The following ZMIZ1 variants were observed in gnomAD, a reference collection of about 807,000 sequenced individuals.
ZMIZ1 encodes the protein zinc finger MIZ-type containing 1.
Under a neutral mutation model 113.9 loss-of-function variants are expected in ZMIZ1, and 17 were observed. The ratio of observed to expected loss-of-function variants is 0.15; its 90% CI spans 0.10 to 0.22. ZMIZ1 has a LOEUF of 0.22. ZMIZ1 is among the 10% of genes least tolerant of loss of function. ZMIZ1 has a pLI of 1.00. For missense variants in ZMIZ1, 1,059 were observed against 1,477.8 expected (o/e 0.72, Z 4.65); for synonymous variants, 607 against 603.1 (o/e 1.01, Z -0.09).
chr10:79,131,619 G>T (rs1441913885), intron 2 of ZMIZ1, among the ~76,000 whole-genome samples: 3 of 152,144 alleles, frequency 2.0e-5, no homozygotes, highest in African/African-American at 7.2e-5. Flanking sequence ...CTTTGGAGAG[G>T]CACTTAGAGC....
In ZMIZ1 at chr10:79,312,817, A is replaced by C; in HGVS notation, c.*68A>C. 1 of 1,499,334 alleles carries C rather than the reference A, an allele frequency of 6.7e-7. No individual in the cohort carries two copies. The highest frequency in any genetic ancestry group is 9.3e-7 in the Non-Finnish European group (1 of 1,080,944). 92.9% of individuals were successfully genotyped at this position (1,499,334 alleles called of 1,614,324 possible). A position where few individuals can be genotyped will look rare whatever the true frequency, so the allele number is the denominator to read the frequency against. On this transcript the variant is annotated 3_prime_UTR_variant, in exon 25 of 25. Transcript: ENST00000334512. ...CCCCACCTACCCAACACACTTTTCC[A>C]CCTGGGAGCCTGTGCCCTCAGACCG...
At chr10:79,180,218 T>A (rs562036784) in intron 4 of ZMIZ1, among the ~76,000 whole-genome samples, 1 of 152,112 alleles carries the variant, frequency 6.6e-6, no homozygotes, top group South Asian at 2.1e-4. Flanking sequence ...TGCCCCGAGG[T>A]GCCAGGCTGT....
intron 6 of ZMIZ1, among the ~76,000 whole-genome samples, chr10:79,209,207 C>T (rs992958786): frequency 2.6e-5 from 4 of 151,306 alleles, no homozygotes; most frequent in African/African-American, 7.3e-5. Flanking sequence ...GCTCGGGGCA[C>T]AAGCAGCAGA....
rs190211847 is a variant in ZMIZ1, at chr10:79,127,443, C to T, written c.-227+8419C>T. ...AGGCCCCGTCAGATGGCCCAGGTTCCTGCTCGGGAAGCCCATTCTTTTCTG... is the reference window on the plus strand; with the variant it reads ...AGGCCCCGTCAGATGGCCCAGGTTCTTGCTCGGGAAGCCCATTCTTTTCTG... On this transcript the variant is annotated intron_variant, in intron 2 of 24. Coordinates refer to ENST00000334512, the MANE Select transcript of ZMIZ1 (RefSeq NM_020338.4). Among the ~76,000 whole-genome samples the T allele has an allele frequency of 6.4e-3, 980 of 152,296 alleles. 40 individuals are homozygous for T. The highest frequency in any genetic ancestry group is 1.6e-3 in the Non-Finnish European group (107 of 68,020).
intron 4 of ZMIZ1, among the ~76,000 whole-genome samples, chr10:79,170,196 C>G (rs1846542473): frequency 6.6e-6 from 1 of 152,212 alleles, no homozygotes; most frequent in Non-Finnish European, 1.5e-5. Flanking sequence ...CAATCTGGGA[C>G]ACACTGGTGC....
At chr10:79,115,627 C>A (rs1843985810) in intron 1 of ZMIZ1, among the ~76,000 whole-genome samples, 1 of 152,226 alleles carries the variant, frequency 6.6e-6, no homozygotes, top group Non-Finnish European at 1.5e-5. Flanking sequence ...GTTGTGTCAG[C>A]CATAGCTCTT....
intron 7 of ZMIZ1, among the ~76,000 whole-genome samples, chr10:79,256,969 C>T (rs78472082): frequency 0.017 from 2,518 of 152,338 alleles, 34 homozygotes; most frequent in Admixed American, 0.023. Flanking sequence ...TGAAAAGTGA[C>T]GTCTTCAGGC....
intron 8 of ZMIZ1, among the ~76,000 whole-genome samples, chr10:79,279,054 CGGGCGGGGGCT>C (rs776905157): frequency 0.035 from 5,043 of 145,530 alleles, 127 homozygotes; most frequent in Middle Eastern, 0.083. Context: ...GGGCGGCGGC[CGGGCGGGGGCT>C]GCCCCCCACC....
intron 2 of ZMIZ1, among the ~76,000 whole-genome samples, chr10:79,130,714 G>A (rs1450625164): frequency 6.6e-6 from 1 of 152,142 alleles, no homozygotes; most frequent in African/African-American, 2.4e-5. Context: ...TAACCTCTCG[G>A]TGCTTCAATG....
At chr10:79,149,888 A>G (rs1845643463) in intron 3 of ZMIZ1, among the ~76,000 whole-genome samples, 1 of 152,222 alleles carries the variant, frequency 6.6e-6, no homozygotes, top group Non-Finnish European at 1.5e-5. Flanking sequence ...CCTCCTGGGA[A>G]GAAAACCCAG....
At chr10:79,133,805 A>G (rs965618084) in intron 2 of ZMIZ1, among the ~76,000 whole-genome samples, 7 of 152,230 alleles carry the variant, frequency 4.6e-5, no homozygotes, top group Non-Finnish European at 1.0e-4. Context: ...TAAATAAATC[A>G]TATAAATAGG....
chr10:79,266,517 C>A (rs1432229029), intron 7 of ZMIZ1, among the ~76,000 whole-genome samples: 2 of 152,180 alleles, frequency 1.3e-5, no homozygotes, highest in African/African-American at 4.8e-5. Flanking sequence ...CTCCCACGGC[C>A]CGGTTAGATC....
intron 4 of ZMIZ1, among the ~76,000 whole-genome samples, chr10:79,185,811 TC>T (rs11339248): frequency 0.77 from 117,265 of 151,908 alleles, 46,433 homozygotes; most frequent in African/African-American, 0.94. Context: ...TAGAAAAGAA[TC>T]CCCCTGGAAT....
chr10:79,139,242 C>T (rs894166674), intron 2 of ZMIZ1, among the ~76,000 whole-genome samples: 4 of 152,084 alleles, frequency 2.6e-5, no homozygotes, highest in East Asian at 3.9e-4. Flanking sequence ...AAGTGGCTGC[C>T]GGCCGGCCGT....
intron 7 of ZMIZ1, among the ~76,000 whole-genome samples, chr10:79,255,338 G>A (rs1397735581): frequency 6.6e-6 from 1 of 152,232 alleles, no homozygotes; most frequent in Non-Finnish European, 1.5e-5. Flanking sequence ...GGCAGTGCCT[G>A]GCCTGCCACC....
intron 24 of ZMIZ1, among the ~76,000 whole-genome samples, chr10:79,311,807 G>C (rs1041464042): frequency 3.9e-5 from 6 of 152,064 alleles, no homozygotes; most frequent in African/African-American, 1.4e-4. Context: ...GGATGATGGG[G>C]CTGGGCTGCT....
At chr10:79,234,260 G>A (rs1479608940) in intron 7 of ZMIZ1, among the ~76,000 whole-genome samples, 1 of 152,164 alleles carries the variant, frequency 6.6e-6, no homozygotes, top group African/African-American at 2.4e-5. Context: ...GAAGTGTGCC[G>A]TGTGTGGAGG....
intron 7 of ZMIZ1, among the ~76,000 whole-genome samples, chr10:79,255,196 C>CCTGCCACCTGAGTCCCCAGGTGCCAT (rs1850809158): frequency 2.6e-5 from 4 of 152,238 alleles, no homozygotes; most frequent in Admixed American, 1.3e-4. Context: ...CTGCCCTGCT[C>CCTGCCACCTGAGTCCCCAGGTGCCAT]CTGCCACCTG....
At chr10:79,114,965 C>G (rs896696435) in intron 1 of ZMIZ1, among the ~76,000 whole-genome samples, 25 of 152,178 alleles carry the variant, frequency 1.6e-4, no homozygotes, top group African/African-American at 5.5e-4. Context: ...GGAGGACTTG[C>G]TAAAAATTTA....
Sources: gnomAD v4.1 joint callset for allele counts (sites outside exome capture counted in the v4.1 genomes callset) on GRCh38, gnomAD v4.1.1 for gene constraint, MANE v1.5 for transcripts, NCBI Gene and HGNC (gene_info 2026-07-23, HGNC 2026-07-21) for gene names.